Variants in CAPN13 observed in about 807,000 individuals in gnomAD.
CAPN13 encodes the protein calpain-13.
CAPN13 carries 90 observed loss-of-function variants against 98.4 expected under a neutral mutation model. The observed-to-expected ratio is 0.92, with a 90% CI of 0.77 to 1.09. The LOEUF (loss-of-function observed/expected upper bound fraction) is 1.09. Among genes scored for constraint, CAPN13 ranks in the 50% least tolerant of loss-of-function variants. The pLI is 0.00. For synonymous variants in CAPN13, 330 were observed against 305.5 expected (o/e 1.08, Z -0.84); for missense variants, 887 against 841.3 (o/e 1.05, Z -0.67).
chr2:30,791,531 C>G (rs959654820), intron 1 of CAPN13, among the ~76,000 whole-genome samples: 1 of 152,226 alleles, frequency 6.6e-6, no homozygotes, highest in African/African-American at 2.4e-5. Flanking sequence ...ACTGAACAGT[C>G]TTTACAGAAA....
At chr2:30,733,054 C>A (rs773498604) in intron 19 of CAPN13, among the ~76,000 whole-genome samples, 1 of 152,188 alleles carries the variant, frequency 6.6e-6, no homozygotes, top group African/African-American at 2.4e-5. Context: ...GAGCAGAATG[C>A]AGAAGGTGGC....
At position 30,736,425 on chromosome 2, in the gene CAPN13, G is replaced by A. The variant is rs903398490; in HGVS notation, c.1722+78C>T. 8.6e-6 allele frequency: 12 copies of A among 1,390,240 alleles called. No homozygotes were observed. In the African/African-American group the frequency reaches 1.3e-4, roughly 15 times the overall value. The allele number at this position is 1,390,240 out of a possible 1,614,324, so 86.1% of individuals were successfully genotyped here. ...CTCTTCTTTCATACCCCTGAACCCT[G>A]GTGCAGGGTTAGACACCCAGTAAAT... On this transcript the variant is annotated intron_variant, in intron 18 of 22. Transcript: ENST00000295055.
intron 10 of CAPN13, among the ~76,000 whole-genome samples, chr2:30,752,510 G>A (rs2147992284): frequency 6.6e-6 from 1 of 152,314 alleles, no homozygotes; most frequent in South Asian, 2.1e-4. Context: ...TGGGACTTCA[G>A]CAGGGACATA....
intron 1 of CAPN13, among the ~76,000 whole-genome samples, chr2:30,799,896 A>T (rs1046419404): frequency 1.3e-5 from 2 of 151,818 alleles, no homozygotes; most frequent in Non-Finnish European, 2.9e-5. Flanking sequence ...ACACGGTGAA[A>T]CCCCGTCTCT....
At chr2:30,759,220 C>T (rs1008811412) in intron 7 of CAPN13, among the ~76,000 whole-genome samples, 7 of 149,554 alleles carry the variant, frequency 4.7e-5, no homozygotes, top group African/African-American at 1.7e-4. Context: ...CCTGCCTTCC[C>T]TCTTCTCTCC....
chr2:30,762,956 G>A lies in CAPN13; in HGVS notation c.774+126C>T, dbSNP rs892443343. On this transcript the variant is annotated intron_variant, in intron 7 of 22. Coordinates refer to ENST00000295055, the MANE Select transcript of CAPN13 (RefSeq NM_144575.3). The stretch of plus-strand genomic sequence containing the variant: ...GTCCATGGTGCATGTCACCACAGAG[G>A]CAAGGGCGATATATCCTCATTTCAT... 2.0e-5 allele frequency: 14 copies of A among 715,534 alleles called. 1 individual carries two copies. The South Asian group carries it at 3.0e-4, about 15-fold the overall frequency. The allele number at this position is 715,534 out of a possible 1,614,324, so 44.3% of individuals were successfully genotyped here.
Position 30,752,479 on chromosome 2 carries a change from A to T in CAPN13, c.1087+574T>A, listed in dbSNP as rs550068904. On this transcript the variant is annotated intron_variant, in intron 10 of 22. Coordinates refer to ENST00000295055, the MANE Select transcript of CAPN13 (RefSeq NM_144575.3). The stretch of plus-strand genomic sequence containing the variant: ...ATTCATCTCAGGGGAGCTCAAAGAC[A>T]GGCTCAGATGCGCCTACCTGTGGGA... Among the ~76,000 whole-genome samples the T allele has an allele frequency of 5.5e-4, 84 of 152,338 alleles. 1 individual carries two copies. The Middle Eastern group carries it at 0.01, about 19-fold the overall frequency.
chr2:30,777,485 A>G lies in CAPN13; in HGVS notation c.271+82T>C, dbSNP rs112406051. On this transcript the variant is annotated intron_variant, in intron 3 of 22. Transcript: ENST00000295055. Reference sequence around the variant, plus strand: ...AAGGGAACTGGCCTTTCTCCCTCAGAAGTGGGGCAGGACTCTGTGGGTAAG... The same window carrying G: ...AAGGGAACTGGCCTTTCTCCCTCAGGAGTGGGGCAGGACTCTGTGGGTAAG... The G allele has an allele frequency of 5.5e-6, 7 of 1,262,742 alleles. 1 individual carries two copies. In the South Asian group the frequency reaches 9.0e-5, roughly 16 times the overall value. 78.2% of individuals were successfully genotyped at this position (1,262,742 alleles called of 1,614,324 possible).
intron 7 of CAPN13, among the ~76,000 whole-genome samples, chr2:30,759,302 G>C (rs1249599079): frequency 6.6e-6 from 1 of 151,890 alleles, no homozygotes; most frequent in African/African-American, 2.4e-5. Flanking sequence ...GTGCACTTCA[G>C]ATAAGGAGGT....
intron 5 of CAPN13, among the ~76,000 whole-genome samples, chr2:30,766,043 C>G (rs986002257): frequency 1.3e-5 from 2 of 152,168 alleles, no homozygotes; most frequent in African/African-American, 4.8e-5. Context: ...GGTTCTGGCT[C>G]CTGTTCCAGT....
At chr2:30,764,575 G>C (rs990817939) in intron 5 of CAPN13, among the ~76,000 whole-genome samples, 2 of 152,186 alleles carry the variant, frequency 1.3e-5, no homozygotes, top group Non-Finnish European at 2.9e-5. Context: ...GGCTGGGAGT[G>C]CCTGTGCTGG....
chr2:30,800,951 A>G (rs1675234027), intron 1 of CAPN13, among the ~76,000 whole-genome samples: 1 of 152,190 alleles, frequency 6.6e-6, no homozygotes, highest in Non-Finnish European at 1.5e-5. Context: ...CAGATTTCCC[A>G]GCATGGTTTT....
At chr2:30,805,747 C>CT (rs72100161) in intron 1 of CAPN13, among the ~76,000 whole-genome samples, 2 of 121,528 alleles carry the variant, frequency 1.6e-5, no homozygotes, top group East Asian at 2.6e-4. Context: ...GTAGGTTGGT[C>CT]TTTTTTTTTT....
intron 5 of CAPN13, among the ~76,000 whole-genome samples, chr2:30,765,335 C>G (rs1673057629): frequency 1.3e-5 from 2 of 152,188 alleles, no homozygotes; most frequent in Non-Finnish European, 2.9e-5. Context: ...TCAAAGCCAC[C>G]CAGCAGGAGC....
chr2:30,757,972 G>T lies in CAPN13; in HGVS notation c.866+74C>A, dbSNP rs1000680569. The T allele has an allele frequency of 1.3e-5, 15 of 1,143,178 alleles. No homozygotes were observed. In the African/African-American group the frequency reaches 2.2e-4, roughly 17 times the overall value. 70.8% of individuals were successfully genotyped at this position (1,143,178 alleles called of 1,614,324 possible). A position where few individuals can be genotyped will look rare whatever the true frequency, so the allele number is the denominator to read the frequency against. On this transcript the variant is annotated intron_variant, in intron 8 of 22. Coordinates refer to ENST00000295055, the MANE Select transcript of CAPN13 (RefSeq NM_144575.3). ...GATGCGCAGTGGCTAGATAGCCCCT[G>T]CTCTCATGGGCAGGAGGCTCTACCG...
At chr2:30,764,043 A>T in intron 6 of CAPN13, 89 bp downstream of exon 6, 4 of 1,342,614 alleles carry the variant, frequency 3.0e-6, no homozygotes, top group Non-Finnish European at 4.1e-6. Context: ...GCAGCTTGCC[A>T]CATCCTCCTT....
intron 19 of CAPN13, among the ~76,000 whole-genome samples, chr2:30,733,205 G>T (rs1671191838): frequency 6.6e-6 from 1 of 152,146 alleles, no homozygotes; most frequent in Admixed American, 6.5e-5. Flanking sequence ...GCAGAACCCT[G>T]CAAGCCAAAC....
intron 22 of CAPN13, among the ~76,000 whole-genome samples, chr2:30,725,278 G>A (rs1670818847): frequency 6.6e-6 from 1 of 152,054 alleles, no homozygotes; most frequent in Non-Finnish European, 1.5e-5. Context: ...TTTAACATAG[G>A]TATTGCCTGC....
At chr2:30,748,542 T>C (rs1672025415) in intron 11 of CAPN13, among the ~76,000 whole-genome samples, 1 of 151,202 alleles carries the variant, frequency 6.6e-6, no homozygotes, top group African/African-American at 2.4e-5. Flanking sequence ...AGTGACTGAG[T>C]GTGTGTGTGT....
Sources: gnomAD v4.1 joint callset for allele counts (sites outside exome capture counted in the v4.1 genomes callset) on GRCh38, gnomAD v4.1.1 for gene constraint, MANE v1.5 for transcripts, NCBI Gene and HGNC (gene_info 2026-07-23, HGNC 2026-07-21) for gene names.